Variants in ENTREP2 observed in about 807,000 individuals in gnomAD.
ENTREP2 encodes the protein protein ENTREP2.
the ENTREP2 span, among the ~76,000 whole-genome samples, chr15:29,542,354 A>G: frequency 6.6e-6 from 1 of 151,614 alleles, no homozygotes; most frequent in Non-Finnish European, 1.5e-5. Context: ...GCTGGAGTGC[A>G]TTGGCGTGAT....
chr15:29,315,829 T>C, the ENTREP2 span, among the ~76,000 whole-genome samples: 1 of 152,174 alleles, frequency 6.6e-6, no homozygotes, highest in East Asian at 1.9e-4. Context: ...GAAATGTCTT[T>C]ATACACTGCT....
the ENTREP2 span, among the ~76,000 whole-genome samples, chr15:29,587,127 G>A: frequency 1.6e-5 from 2 of 127,020 alleles, no homozygotes; most frequent in African/African-American, 6.2e-5. Flanking sequence ...TAGGCTATCT[G>A]TGTAGCTAAC....
At chr15:29,430,266 G>A in the ENTREP2 span, among the ~76,000 whole-genome samples, 1 of 152,080 alleles carries the variant, frequency 6.6e-6, no homozygotes, top group Non-Finnish European at 1.5e-5. Context: ...AGAGGTCCCT[G>A]CTGAGCCCCG....
the ENTREP2 span, among the ~76,000 whole-genome samples, chr15:29,625,609 T>C: frequency 1.1e-4 from 17 of 152,134 alleles, no homozygotes; most frequent in African/African-American, 1.7e-4. Context: ...TCGGCCAGGC[T>C]GGTCTTGAAC....
the ENTREP2 span, among the ~76,000 whole-genome samples, chr15:29,443,129 C>T: frequency 6.6e-6 from 1 of 152,234 alleles, no homozygotes; most frequent in Non-Finnish European, 1.5e-5. Context: ...AACAGAGCAA[C>T]AGGTTTCTAA....
chr15:29,258,212 CAA>C, the ENTREP2 span, among the ~76,000 whole-genome samples: 12 of 118,320 alleles, frequency 1.0e-4, no homozygotes, highest in East Asian at 5.1e-4. Context: ...GGCTCAGTCT[CAA>C]AAAAAAAAAA....
the ENTREP2 span, among the ~76,000 whole-genome samples, chr15:29,566,876 C>CACACACACACACACACACAA: frequency 6.6e-6 from 1 of 151,840 alleles, no homozygotes; most frequent in African/African-American, 2.4e-5. Context: ...CACACACACA[C>CACACACACACACACACACAA]AGAGTCAGCT....
the ENTREP2 span, among the ~76,000 whole-genome samples, chr15:29,657,346 C>T: frequency 6.8e-6 from 1 of 147,200 alleles, no homozygotes; most frequent in African/African-American, 2.7e-5. Context: ...TTACAGCTCT[C>T]AAAGACGGCA....
chr15:29,541,433 G>A, the ENTREP2 span, among the ~76,000 whole-genome samples: 1 of 152,184 alleles, frequency 6.6e-6, no homozygotes, highest in Non-Finnish European at 1.5e-5. Context: ...TTTAATTTCA[G>A]ATAGTGAGGA....
the ENTREP2 span, among the ~76,000 whole-genome samples, chr15:29,160,797 C>T: frequency 0.57 from 86,361 of 150,974 alleles, 24,834 homozygotes; most frequent in East Asian, 0.69. Flanking sequence ...CATTTATTTC[C>T]GCTAGTTCAT....
the ENTREP2 span, among the ~76,000 whole-genome samples, chr15:29,213,711 G>A: frequency 4.6e-5 from 7 of 152,072 alleles, no homozygotes; most frequent in African/African-American, 1.7e-4. Context: ...GGGTTTTCTA[G>A]ATATACTATC....
the ENTREP2 span, among the ~76,000 whole-genome samples, chr15:29,303,240 C>T: frequency 6.6e-6 from 1 of 152,208 alleles, no homozygotes; most frequent in Non-Finnish European, 1.5e-5. Flanking sequence ...ATTTTCATGT[C>T]ATCACTTAGT....
At chr15:29,566,741 G>C in the ENTREP2 span, among the ~76,000 whole-genome samples, 2 of 79,486 alleles carry the variant, frequency 2.5e-5, no homozygotes, top group Admixed American at 2.3e-4. Context: ...ACAGGCATGA[G>C]CCAACCATGC....
At chr15:29,266,610 T>C in the ENTREP2 span, 1 of 152,172 alleles carries the variant, frequency 6.6e-6, no homozygotes, top group Non-Finnish European at 1.5e-5. Context: ...CTCAAATACA[T>C]AATGGTGAGT....
the ENTREP2 span, among the ~76,000 whole-genome samples, chr15:29,119,813 C>T: frequency 2.6e-5 from 4 of 152,204 alleles, no homozygotes; most frequent in Admixed American, 2.0e-4. Flanking sequence ...GAACGGGATT[C>T]CACTCAGGAG....
chr15:29,666,900 T>C, the ENTREP2 span, among the ~76,000 whole-genome samples: 2 of 152,312 alleles, frequency 1.3e-5, no homozygotes, highest in East Asian at 3.9e-4. Flanking sequence ...TGAGAAAGAA[T>C]CTATCTTACT....
At chr15:29,450,898 C>T in the ENTREP2 span, among the ~76,000 whole-genome samples, 1 of 151,746 alleles carries the variant, frequency 6.6e-6, no homozygotes, top group Non-Finnish European at 1.5e-5. Flanking sequence ...GGGAGCTAAA[C>T]AATGAGTACA....
chr15:29,594,838 G>T, the ENTREP2 span, among the ~76,000 whole-genome samples: 1 of 151,690 alleles, frequency 6.6e-6, no homozygotes, highest in Non-Finnish European at 1.5e-5. Flanking sequence ...AGGCCGAGGC[G>T]GGCGGATCAC....
the ENTREP2 span, among the ~76,000 whole-genome samples, chr15:29,530,441 C>T: frequency 6.6e-6 from 1 of 152,178 alleles, no homozygotes; most frequent in Non-Finnish European, 1.5e-5. Context: ...CTTGCTTCCA[C>T]TTTTAACCTC....
Sources: gnomAD v4.1 joint callset for allele counts (sites outside exome capture counted in the v4.1 genomes callset) on GRCh38, gnomAD v4.1.1 for gene constraint, MANE v1.5 for transcripts, NCBI Gene and HGNC (gene_info 2026-07-23, HGNC 2026-07-21) for gene names.